COPZ2: variants seen among roughly 807,000 people sequenced by gnomAD.
COPZ2 encodes the protein coatomer subunit zeta-2.
A neutral mutation model predicts 33.2 loss-of-function variants in COPZ2; 30 were observed. The ratio of observed to expected loss-of-function variants is 0.90; its 90% CI spans 0.68 to 1.23. The LOEUF (loss-of-function observed/expected upper bound fraction) is 1.23. Among genes scored for constraint, COPZ2 ranks in the 50% most tolerant of loss-of-function variants. The pLI, the probability that COPZ2 is intolerant of heterozygous loss-of-function variation, is 0.00. For synonymous variants in COPZ2, 89 were observed against 102.6 expected (o/e 0.87, Z 0.80); for missense variants, 263 against 262.4 (o/e 1.00, Z -0.02).
intron 6 of COPZ2, among the ~76,000 whole-genome samples, chr17:48,030,982 G>C (rs1030920120): frequency 3.3e-5 from 5 of 152,196 alleles, no homozygotes; most frequent in African/African-American, 1.2e-4. Flanking sequence ...AGGCAGTCCA[G>C]TACAGTGCCA....
Position 48,033,214 on chromosome 17 carries a change from A to G in COPZ2, c.357T>C (p.Asn119=). 2.5e-6 allele frequency: 4 copies of G among 1,603,966 alleles called. No individual in the cohort carries two copies. In the Middle Eastern group the frequency reaches 6.6e-4, roughly 265 times the overall value. ...TGCCCCAACCTCCTGAATTCACCTCATTCTCGTAGGATGAGCCCACCACGT... is the reference window on the plus strand; with the variant it reads ...TGCCCCAACCTCCTGAATTCACCTCGTTCTCGTAGGATGAGCCCACCACGT... ...FLYVVGSSYE[N]ELMLMSVLTC... The change falls in exon 4 of 9, where the codon AAT becomes AAC. Residue 119 remains asparagine, a synonymous_variant. Transcript: ENST00000621465.
upstream of COPZ2, chr17:48,037,835 C>G: frequency 3.6e-6 from 3 of 834,714 alleles, no homozygotes; most frequent in Non-Finnish European, 3.9e-6. This position sits in a 1 kb window ranked among gnomAD's most constrained non-coding sequence, Gnocchi z 5.6. Flanking sequence ...GCCGCCGCCC[C>G]GCCTCCGCGC....
At position 48,037,597 on chromosome 17, in the gene COPZ2, TC is replaced by T; in HGVS notation, c.111+69del. On this transcript the variant is annotated intron_variant, in intron 1 of 8. Coordinates refer to ENST00000621465, the MANE Select transcript of COPZ2 (RefSeq NM_016429.4). This position sits in a 1 kb window ranked among gnomAD's most constrained non-coding sequence, Gnocchi z 5.6. ...GGCGCGCGAGTTCTGAGTTGGCTGC[TC>T]CCCCTAACCCTGCTCTGTCCCTGCC... is the stretch of plus-strand genomic sequence containing the variant. 1 of 1,047,548 alleles carries T rather than the reference TC, an allele frequency of 9.5e-7. No homozygotes were observed. Among genetic ancestry groups the T allele is most frequent in the Non-Finnish European group, 1.2e-6 (1 of 866,454 alleles). The allele number at this position is 1,047,548 out of a possible 1,614,324, so 64.9% of individuals were successfully genotyped here.
rs994800823 is a variant in COPZ2, at chr17:48,033,858, C to T, written c.268+5G>A. On this transcript the variant is annotated splice_donor_5th_base_variant and intron_variant, in intron 3 of 8. Coordinates refer to ENST00000621465, the MANE Select transcript of COPZ2 (RefSeq NM_016429.4). ...AGTCTGCTGGAGGAAGAGGGGGACA[C>T]TTACTCTCAGTCCGGCTGGTCTTGT... 1.9e-6 allele frequency: 3 copies of T among 1,601,406 alleles called. No individual in the cohort carries two copies. The highest frequency in any genetic ancestry group is 2.6e-6 in the Non-Finnish European group (3 of 1,171,758).
In COPZ2 at chr17:48,037,595, G is replaced by A; in HGVS notation, c.111+72C>T. 4 of 1,049,160 alleles carry A rather than the reference G, an allele frequency of 3.8e-6. No individual in the cohort carries two copies. The highest frequency in any genetic ancestry group is 3.5e-6 in the Non-Finnish European group (3 of 866,456). 65.0% of individuals were successfully genotyped at this position (1,049,160 alleles called of 1,614,324 possible). ...CGGGCGCGCGAGTTCTGAGTTGGCTGCTCCCCCTAACCCTGCTCTGTCCCT... is the reference window on the plus strand; with the variant it reads ...CGGGCGCGCGAGTTCTGAGTTGGCTACTCCCCCTAACCCTGCTCTGTCCCT... On this transcript the variant is annotated intron_variant, in intron 1 of 8. Transcript: ENST00000621465. The surrounding 1 kb of genome is among the most constrained non-coding windows in gnomAD (Gnocchi z 5.6).
chr17:48,034,938 A>T (rs2036956141), intron 2 of COPZ2, among the ~76,000 whole-genome samples: 1 of 152,138 alleles, frequency 6.6e-6, no homozygotes, highest in Non-Finnish European at 1.5e-5. Flanking sequence ...GTGAGCTGAG[A>T]TCGCGCCACT....
the COPZ2 span, chr17:48,043,594 C>G: frequency 7.7e-5 from 76 of 983,662 alleles, no homozygotes; most frequent in Non-Finnish European, 9.2e-5. Context: ...AAGGACAGCT[C>G]TCATTTCTTC....
chr17:48,034,103 C>G (rs1476733679), intron 2 of COPZ2, among the ~76,000 whole-genome samples, 159 bp from the exon 3 acceptor site: 1 of 152,172 alleles, frequency 6.6e-6, no homozygotes, highest in Non-Finnish European at 1.5e-5. Flanking sequence ...TCATTACTTC[C>G]TCCAAAACAA....
At chr17:48,030,440 G>C (rs969342242) in intron 6 of COPZ2, among the ~76,000 whole-genome samples, 1 of 152,188 alleles carries the variant, frequency 6.6e-6, no homozygotes, top group African/African-American at 2.4e-5. Context: ...GTACATGGGC[G>C]TGAGGGCCTG....
At chr17:48,035,343 G>A (rs780317316) in intron 2 of COPZ2, among the ~76,000 whole-genome samples, 5 of 152,134 alleles carry the variant, frequency 3.3e-5, no homozygotes, top group Non-Finnish European at 7.4e-5. Context: ...CCTAGTGGCC[G>A]CTGCTTATTT....
chr17:48,039,290 G>GT (rs2037037334), upstream of COPZ2, among the ~76,000 whole-genome samples: 1 of 151,896 alleles, frequency 6.6e-6, no homozygotes, highest in African/African-American at 2.4e-5. Flanking sequence ...GGGCAACATG[G>GT]TAAGATCTAG....
upstream of COPZ2, among the ~76,000 whole-genome samples, chr17:48,040,107 G>A (rs1000146217): frequency 8.7e-5 from 13 of 149,322 alleles, no homozygotes; most frequent in Non-Finnish European, 1.6e-4. Flanking sequence ...GGCCAAGAGA[G>A]CGAGAACCTG....
rs1368651476 is a variant in COPZ2, at chr17:48,032,221, C to G, written c.429G>C (p.Glu143Asp). ...CCATGTTCTCCAGCAACCAGCGCTT[C>G]TCCACGTTCTTCCTGAAGGTGGACA... The part of the protein sequence containing the change: ...SLNHMLRKNV[E>D]KRWLLENMDG... Residue 143 changes from glutamate to aspartate, a missense_variant, in exon 6 of 9, where the codon GAG (glutamate) becomes GAC (aspartate). By Grantham distance (45) the Glu-to-Asp change is conservative (BLOSUM62 2). Coordinates refer to ENST00000621465, the MANE Select transcript of COPZ2 (RefSeq NM_016429.4). 6.2e-7 allele frequency: 1 copy of G among 1,612,732 alleles called. No homozygotes were observed. Among genetic ancestry groups the G allele is most frequent in the Non-Finnish European group, 8.5e-7 (1 of 1,179,524 alleles).
chr17:48,044,642 G>A, the COPZ2 span, among the ~76,000 whole-genome samples: 4 of 152,154 alleles, frequency 2.6e-5, no homozygotes, highest in Non-Finnish European at 5.9e-5. Flanking sequence ...AATCTTCTAA[G>A]AGTGTGGTAG....
At chr17:48,029,458 TG>T (rs1276635426) in intron 6 of COPZ2, 5 of 494,346 alleles carry the variant, frequency 1.0e-5, no homozygotes, top group Non-Finnish European at 1.8e-5. Flanking sequence ...ATGATCAGGT[TG>T]TCAAAAGCAG....
Position 48,037,643 on chromosome 17 carries a change from T to G in COPZ2, c.111+24A>C. The G allele has an allele frequency of 1.6e-5, 17 of 1,060,040 alleles. No homozygotes were observed. Among genetic ancestry groups the G allele is most frequent in the East Asian group, 1.3e-4 (2 of 14,872 alleles). The allele number at this position is 1,060,040 out of a possible 1,614,324, so 65.7% of individuals were successfully genotyped here. A position where few individuals can be genotyped will look rare whatever the true frequency, so the allele number is the denominator to read the frequency against. ...CCTGCCCAGCTCCCGCCGCCCGGGA[T>G]CCCCGCGCCCGCCCGCTCCGTACCC... is the stretch of plus-strand genomic sequence containing the variant. On this transcript the variant is annotated intron_variant, in intron 1 of 8. Transcript: ENST00000621465. This position sits in a 1 kb window ranked among gnomAD's most constrained non-coding sequence, Gnocchi z 5.6.
chr17:48,043,271 G>A, the COPZ2 span, among the ~76,000 whole-genome samples: 2 of 152,192 alleles, frequency 1.3e-5, no homozygotes, highest in African/African-American at 2.4e-5. Context: ...GTCCCAGGAG[G>A]CAGGTGATTC....
Position 48,028,712 on chromosome 17 carries a change from G to A in COPZ2, c.547-202C>T, listed in dbSNP as rs28624980. On this transcript the variant is annotated intron_variant, in intron 7 of 8. Transcript: ENST00000621465. The surrounding 1 kb of genome is among the most constrained non-coding windows in gnomAD (Gnocchi z 4.5). ...GACCTCTGGGATTGTGCTATGGTGC[G>A]TGGAGGGTGAGGGAAGATGGGAAGA... Among the ~76,000 whole-genome samples, 11,928 of 152,136 alleles carry A rather than the reference G, an allele frequency of 0.078. 973 individuals are homozygous for A. Among genetic ancestry groups the A allele is most frequent in the African/African-American group, 0.21 (8,759 of 41,438 alleles).
chr17:48,047,573 G>A, the COPZ2 span: 1 of 152,158 alleles, frequency 6.6e-6, no homozygotes. Context: ...GCCAAACGAG[G>A]GGGGTCCTTT....
Sources: gnomAD v4.1 joint callset for allele counts (sites outside exome capture counted in the v4.1 genomes callset) on GRCh38, gnomAD v4.1.1 for gene constraint, Gnocchi (gnomAD v3.1) non-coding constraint, MANE v1.5 for transcripts, NCBI Gene and HGNC (gene_info 2026-07-23, HGNC 2026-07-21) for gene names.